CHL1: variants seen among roughly 807,000 people sequenced by gnomAD.
The protein encoded by CHL1 is cell adhesion molecule L1 like, also known as neural cell adhesion molecule L1-like protein.
CHL1 carries 96 observed loss-of-function variants against 141.9 expected under a neutral mutation model. The observed-to-expected ratio is 0.68, with a 90% confidence interval of 0.57 to 0.80. The LOEUF is 0.80. CHL1 is among the 30% of genes least tolerant of loss of function. The pLI is 0.00. For missense variants in CHL1, 1,820 were observed against 1,457.2 expected (o/e 1.25, Z -4.05); for synonymous variants, 613 against 502.2 (o/e 1.22, Z -2.95).
At chr3:354,889 A>G in intron 11 of CHL1, 118 bp downstream of exon 11, 1 of 1,253,174 alleles carries the variant, frequency 8.0e-7, no homozygotes, top group Non-Finnish European at 1.1e-6. Flanking sequence ...GACAGATACA[A>G]CCAGCAAATC....
chr3:392,592 C>G (rs908437816), intron 23 of CHL1, among the ~76,000 whole-genome samples: 4 of 152,018 alleles, frequency 2.6e-5, no homozygotes, highest in Admixed American at 2.0e-4. Flanking sequence ...ATTTTATCAA[C>G]AACCCATCAT....
chr3:202,167 C>T (rs756545091), intron 1 of CHL1, among the ~76,000 whole-genome samples: 1 of 152,162 alleles, frequency 6.6e-6, no homozygotes. Flanking sequence ...AATAGCCATA[C>T]TTAGCTCACA....
chr3:212,361 G>A (rs538787611), intron 1 of CHL1, among the ~76,000 whole-genome samples: 11 of 152,180 alleles, frequency 7.2e-5, no homozygotes, highest in Non-Finnish European at 1.5e-4. Context: ...TATACTCTAT[G>A]TATGTCCTTT....
intron 2 of CHL1, among the ~76,000 whole-genome samples, chr3:253,290 T>C (rs1187281316): frequency 2.0e-5 from 3 of 152,148 alleles, no homozygotes; most frequent in Non-Finnish European, 4.4e-5. Context: ...ACCATAGTTA[T>C]AGAGGATGGG....
intron 2 of CHL1, among the ~76,000 whole-genome samples, chr3:277,492 C>G (rs1271346761): frequency 6.6e-6 from 1 of 152,120 alleles, no homozygotes; most frequent in Non-Finnish European, 1.5e-5. Context: ...TTTTCATTTT[C>G]TCTTTCTCTT....
intron 1 of CHL1, among the ~76,000 whole-genome samples, chr3:233,440 A>G (rs1421094134): frequency 1.3e-5 from 2 of 152,078 alleles, no homozygotes; most frequent in African/African-American, 2.4e-5. Context: ...CCAAATAACT[A>G]TGTGGCTTTG....
chr3:340,822 T>C lies in CHL1; in HGVS notation c.414T>C (p.Ile138=), dbSNP rs1370633169. The change falls in exon 6 of 28, where the codon ATT becomes ATC. Residue 138 remains isoleucine (I), a synonymous_variant. Coordinates refer to ENST00000256509, the MANE Select transcript of CHL1 (RefSeq NM_006614.4). ...PSVPKFPKEK[I]DPLEVEEGDP... is the part of the protein sequence containing the mutation. Reference sequence around the variant, plus strand: ...TTCCAAAATTCCCAAAAGAAAAAATTGACCCTCTTGAAGTGGAGGAGGGAG... The same window carrying C: ...TTCCAAAATTCCCAAAAGAAAAAATCGACCCTCTTGAAGTGGAGGAGGGAG... 6.2e-7 allele frequency: 1 copy of C among 1,611,646 alleles called. No individual in the cohort carries two copies. Among genetic ancestry groups the C allele is most frequent in the South Asian group, 1.1e-5 (1 of 90,646 alleles).
chr3:366,213 G>A, intron 15 of CHL1, 98 bp downstream of exon 15: 3 of 1,176,928 alleles, frequency 2.5e-6, no homozygotes, highest in Non-Finnish European at 3.7e-6. Context: ...ACTCACGCTT[G>A]TAATCCCAGC....
chr3:302,614 T>C (rs1055421020), intron 2 of CHL1, among the ~76,000 whole-genome samples: 7 of 152,210 alleles, frequency 4.6e-5, no homozygotes, highest in Non-Finnish European at 8.8e-5. Flanking sequence ...TCTTGTAAAT[T>C]TGTTTAAGTT....
intron 5 of CHL1, among the ~76,000 whole-genome samples, chr3:332,900 A>T (rs1370299872): frequency 6.6e-6 from 1 of 152,138 alleles, no homozygotes; most frequent in African/African-American, 2.4e-5. Context: ...CTATGGAGAC[A>T]CAAAGGAAAA....
At chr3:381,972 A>T (rs928117492) in intron 16 of CHL1, among the ~76,000 whole-genome samples, 3 of 145,036 alleles carry the variant, frequency 2.1e-5, no homozygotes, top group Non-Finnish European at 4.4e-5. Context: ...CAAGTTGTTT[A>T]TTTACTTCTT....
chr3:384,330 G>C (rs1176558277), intron 19 of CHL1: 1 of 152,508 alleles, frequency 6.6e-6, no homozygotes, highest in Non-Finnish European at 1.5e-5. Context: ...TAGTAATTCT[G>C]AGGATGGTCT....
chr3:331,576 G>A (rs968157422), intron 5 of CHL1, among the ~76,000 whole-genome samples: 2 of 152,042 alleles, frequency 1.3e-5, no homozygotes, highest in Admixed American at 1.3e-4. Flanking sequence ...AAAGCCTCAT[G>A]AAGGAAATCA....
Position 394,787 on chromosome 3 carries a change from C to A in CHL1, c.3009C>A (p.Thr1003=), listed in dbSNP as rs191206313. 2.2e-5 allele frequency: 36 copies of A among 1,613,960 alleles called. 1 individual carries two copies. The African/African-American group carries it at 3.7e-4, about 17-fold the overall frequency. The part of the protein sequence containing the change: ...SWHLSNLNAT[T]KYKFYLRACT... ...ACCTCTCAAACCTGAATGCAACTAC[C>A]AAGTACAAATTCTACTTGAGGGCTT... The change falls in exon 24 of 28, where the codon ACC becomes ACA. Residue 1003 remains threonine (T), a synonymous_variant. Coordinates refer to ENST00000256509, the MANE Select transcript of CHL1 (RefSeq NM_006614.4).
chr3:357,703 A>G (rs1278161070), intron 11 of CHL1, among the ~76,000 whole-genome samples: 1 of 152,240 alleles, frequency 6.6e-6, no homozygotes, highest in African/African-American at 2.4e-5. Context: ...AGCTTCTGTT[A>G]GCCTTTGTCA....
intron 15 of CHL1, among the ~76,000 whole-genome samples, chr3:368,682 A>G (rs979218344): frequency 6.6e-6 from 1 of 152,100 alleles, no homozygotes; most frequent in African/African-American, 2.4e-5. Context: ...CTATGTACTG[A>G]ATGGTACTGC....
intron 2 of CHL1, among the ~76,000 whole-genome samples, chr3:275,623 A>G (rs1696026139): frequency 6.6e-6 from 1 of 152,204 alleles, no homozygotes; most frequent in Non-Finnish European, 1.5e-5. Flanking sequence ...TAGGCAGGGA[A>G]GAGTAGACAT....
At chr3:259,089 A>G (rs1041146480) in intron 2 of CHL1, among the ~76,000 whole-genome samples, 2 of 151,282 alleles carry the variant, frequency 1.3e-5, no homozygotes, top group African/African-American at 4.9e-5. Flanking sequence ...ACATGCCACC[A>G]TGCATGTCTT....
At chr3:264,623 T>A (rs1695007817) in intron 2 of CHL1, among the ~76,000 whole-genome samples, 1 of 152,204 alleles carries the variant, frequency 6.6e-6, no homozygotes, top group Non-Finnish European at 1.5e-5. Flanking sequence ...TTTGACATAT[T>A]CAGAATTTGG....
Sources: allele counts gnomAD v4.1 joint callset (sites outside exome capture counted in the v4.1 genomes callset), GRCh38; gene constraint gnomAD v4.1.1; transcripts MANE v1.5; gene names NCBI Gene and HGNC (gene_info 2026-07-23, HGNC 2026-07-21).